The following GRXCR2 variants were observed in gnomAD, a reference collection of about 807,000 sequenced individuals.
GRXCR2 encodes glutaredoxin domain-containing cysteine-rich protein 2.
GRXCR2 carries 23 observed loss-of-function variants against 24.8 expected under a neutral mutation model. That is an observed-to-expected ratio of 0.93 (90% CI 0.67 to 1.32). The LOEUF is 1.32. Ranked by LOEUF, GRXCR2 falls within the 40% of genes most tolerant of loss-of-function variation. The pLI, the probability that GRXCR2 is intolerant of heterozygous loss-of-function variation, is 0.00. For synonymous variants in GRXCR2, 130 were observed against 116.1 expected (o/e 1.12, Z -0.77); for missense variants, 315 against 303.4 (o/e 1.04, Z -0.28).
At chr5:145,866,167 G>T (rs1382696942) in intron 2 of GRXCR2, among the ~76,000 whole-genome samples, 1 of 145,668 alleles carries the variant, frequency 6.9e-6, no homozygotes, top group Non-Finnish European at 1.5e-5. Flanking sequence ...AAAGAAAAAA[G>T]AAAATATAGG....
At position 145,872,208 on chromosome 5, in the gene GRXCR2, A is replaced by G. The variant is rs377643670; in HGVS notation, c.336+425T>C. ...AGGCAATAGGGGTAAAAAACAAGAC[A>G]TGGATAAACTGCAAGCTGAGTAATT... On this transcript the variant is annotated intron_variant, in intron 1 of 2. Coordinates refer to ENST00000377976, the MANE Select transcript of GRXCR2 (RefSeq NM_001080516.2). 7.9e-5 allele frequency among the ~76,000 whole-genome samples: 12 copies of G among 151,616 alleles called. No individual in the cohort carries two copies. The East Asian group carries it at 2.0e-3, about 25-fold the overall frequency.
At chr5:145,929,511 T>C (rs1390637549) in intron 2 of GRXCR2, among the ~76,000 whole-genome samples, 2 of 152,074 alleles carry the variant, frequency 1.3e-5, no homozygotes, top group East Asian at 1.9e-4. Context: ...CCCCCAATCA[T>C]AAGTTTTCAT....
chr5:145,897,248 T>C (rs1444672969), intron 2 of GRXCR2, among the ~76,000 whole-genome samples: 1 of 19,110 alleles, frequency 5.2e-5, no homozygotes, highest in South Asian at 3.6e-3. Context: ...TGTTGTTTGT[T>C]ACATACATAC....
At chr5:145,931,290 C>G (rs1290121795) in intron 2 of GRXCR2, among the ~76,000 whole-genome samples, 9 of 152,174 alleles carry the variant, frequency 5.9e-5, no homozygotes, top group Non-Finnish European at 4.4e-5. Context: ...CCTTAGCCTC[C>G]CAAAGCGCTG....
At position 145,872,943 on chromosome 5, in the gene GRXCR2, T is replaced by G. The variant is rs1467491337; in HGVS notation, c.26A>C (p.Asn9Thr). The G allele has an allele frequency of 6.2e-7, 1 of 1,614,076 alleles. No homozygotes were observed. Among genetic ancestry groups the G allele is most frequent in the South Asian group, 1.1e-5 (1 of 91,082 alleles). ...CCGGGGTTTGCCATCACTCTTCTGA[T>G]TCAGCTTTTTCTCAGGGTCCTCCAT... MEDPEKKL[N>T]QKSDGKPRKV... Residue 9 changes from asparagine (N) to threonine (T), a missense_variant, in exon 1 of 3, where the codon AAT (asparagine) becomes ACT (threonine). Physicochemically the swap from Asn to Thr is moderately conservative, Grantham distance 65. Coordinates refer to ENST00000377976, the MANE Select transcript of GRXCR2 (RefSeq NM_001080516.2).
At position 145,928,669 on chromosome 5, in the gene GRXCR2, A is replaced by G. The variant is rs533502405; in HGVS notation, c.-70+7032T>C. ...TCGCAAGGACAAAAAACCAAACACCACATGTTCTCACTCATAGGTGGGAAT... is the reference window on the plus strand; with the variant it reads ...TCGCAAGGACAAAAAACCAAACACCGCATGTTCTCACTCATAGGTGGGAAT... On this transcript the variant is annotated intron_variant, in intron 2 of 3. Coordinates refer to the GRXCR2 transcript ENST00000639411. 3.0e-4 allele frequency among the ~76,000 whole-genome samples: 45 copies of G among 148,404 alleles called. 1 individual carries two copies. The highest frequency in any genetic ancestry group is 1.1e-3 in the African/African-American group (45 of 40,554).
At chr5:145,881,999 C>A (rs965230242) in intron 2 of GRXCR2, among the ~76,000 whole-genome samples, 1 of 152,190 alleles carries the variant, frequency 6.6e-6, no homozygotes, top group Admixed American at 6.5e-5. Flanking sequence ...CCCTTCCTTA[C>A]ACTTTATACA....
chr5:145,914,832 G>A (rs141257799), intron 2 of GRXCR2, among the ~76,000 whole-genome samples: 2 of 152,248 alleles, frequency 1.3e-5, no homozygotes, highest in African/African-American at 4.8e-5. Flanking sequence ...GTGGAATTAT[G>A]TCCTTGGGCA....
At chr5:145,875,256 T>A (rs1756595543), upstream of GRXCR2, among the ~76,000 whole-genome samples, 1 of 152,116 alleles carries the variant, frequency 6.6e-6, no homozygotes, top group African/African-American at 2.4e-5. Flanking sequence ...TTGTATAGAA[T>A]AGTGAAGAGG....
intron 2 of GRXCR2, among the ~76,000 whole-genome samples, chr5:145,888,744 T>C (rs564136202): frequency 1.8e-3 from 276 of 152,334 alleles, no homozygotes; most frequent in African/African-American, 6.4e-3. Flanking sequence ...TTTATATACA[T>C]ATGTATGCAA....
intron 2 of GRXCR2, among the ~76,000 whole-genome samples, chr5:145,912,441 G>T (rs953284041): frequency 7.2e-5 from 11 of 152,172 alleles, no homozygotes; most frequent in Admixed American, 2.0e-4. Flanking sequence ...GCCAGCCACT[G>T]CTCTGGGTGC....
At chr5:145,864,061 G>A (rs1336741096) in intron 2 of GRXCR2, among the ~76,000 whole-genome samples, 1 of 152,138 alleles carries the variant, frequency 6.6e-6, no homozygotes, top group Non-Finnish European at 1.5e-5. Flanking sequence ...AAGTAAGATT[G>A]CAACTCTGAT....
chr5:145,922,331 C>T (rs1757333784), intron 2 of GRXCR2, among the ~76,000 whole-genome samples: 1 of 152,182 alleles, frequency 6.6e-6, no homozygotes, highest in Admixed American at 6.5e-5. Context: ...TCTTCTGCTC[C>T]TGCTCATCTC....
chr5:145,883,212 C>T lies in GRXCR2; in HGVS notation c.-69-16484G>A, dbSNP rs541945225. ...GAAAAAAACCTGTATAGAAAAGAGA[C>T]TAAAAGTAAATATACTGAAGTGCTA... On this transcript the variant is annotated intron_variant, in intron 2 of 3. Coordinates refer to the GRXCR2 transcript ENST00000639411. Among the ~76,000 whole-genome samples the T allele has an allele frequency of 6.6e-5, 10 of 151,706 alleles. No homozygotes were observed. The East Asian group carries it at 1.9e-3, about 29-fold the overall frequency.
At chr5:145,866,783 G>T in intron 1 of GRXCR2, 55 bp from the exon 2 acceptor site, 6 of 1,128,378 alleles carry the variant, frequency 5.3e-6, no homozygotes, top group Non-Finnish European at 8.0e-6. Context: ...CAAGTAGAGG[G>T]CTGCAGAACC....
At chr5:145,913,110 C>T (rs1235273891) in intron 2 of GRXCR2, among the ~76,000 whole-genome samples, 2 of 152,170 alleles carry the variant, frequency 1.3e-5, no homozygotes, top group African/African-American at 4.8e-5. Flanking sequence ...ATGCCCCTCA[C>T]CCAATTCCTG....
chr5:145,884,263 A>T (rs550879384), intron 2 of GRXCR2, among the ~76,000 whole-genome samples: 1 of 152,272 alleles, frequency 6.6e-6, no homozygotes, highest in Admixed American at 6.5e-5. Context: ...GACATCCTAC[A>T]AGACACAGGT....
intron 2 of GRXCR2, among the ~76,000 whole-genome samples, chr5:145,916,384 G>C (rs562075225): frequency 6.6e-6 from 1 of 152,320 alleles, no homozygotes; most frequent in Non-Finnish European, 1.5e-5. Context: ...GGCTGGGGAA[G>C]TGTTATTTCA....
intron 2 of GRXCR2, among the ~76,000 whole-genome samples, chr5:145,921,125 A>G (rs1228191400): frequency 6.6e-6 from 1 of 152,194 alleles, no homozygotes; most frequent in East Asian, 1.9e-4. Context: ...ACAAAAACCC[A>G]TGTCAGGTAG....
Sources: gnomAD v4.1 joint callset for allele counts (sites outside exome capture counted in the v4.1 genomes callset) on GRCh38, gnomAD v4.1.1 for gene constraint, MANE v1.5 for transcripts, NCBI Gene and HGNC (gene_info 2026-07-23, HGNC 2026-07-21) for gene names.